CLIC5: variants seen among roughly 807,000 people sequenced by gnomAD.
CLIC5 encodes CLIC family member 5, also known as chloride intracellular channel protein 5.
A neutral mutation model predicts 24.7 loss-of-function variants in CLIC5; 20 were observed. The ratio of observed to expected loss-of-function variants is 0.81; its 90% CI spans 0.57 to 1.18. The LOEUF (loss-of-function observed/expected upper bound fraction) is 1.18, where lower values mean the gene tolerates loss of function less well. Ranked by LOEUF, CLIC5 falls within the 50% of genes most tolerant of loss-of-function variation. CLIC5 has a pLI of 0.00. For missense variants in CLIC5, 341 were observed against 326.1 expected, an observed-to-expected ratio of 1.05 and a Z score of -0.35; for synonymous variants, 159 against 135.6, an observed-to-expected ratio of 1.17 and a Z score of -1.20.
chr6:46,024,420 A>G (rs9472666), intron 1 of CLIC5, among the ~76,000 whole-genome samples: 20,756 of 152,170 alleles, frequency 0.14, 1,527 homozygotes, highest in African/African-American at 0.18. Flanking sequence ...TCAGAAATTT[A>G]GAAGACCATT....
intron 1 of CLIC5, among the ~76,000 whole-genome samples, chr6:46,020,935 G>T (rs1006567142): frequency 2.0e-5 from 3 of 151,632 alleles, no homozygotes; most frequent in Non-Finnish European, 4.4e-5. Flanking sequence ...AGCCCTCCAA[G>T]AAAAGAAAAC....
Position 45,981,162 on chromosome 6 carries a change from G to T in CLIC5, c.64-25918C>A, listed in dbSNP as rs1004448753. ...TTTTTGTATTTCTTGTAGAGATGTGGTTTTTCCATGTTTCCCAGGCTGGTC... is the reference window on the plus strand; with the variant it reads ...TTTTTGTATTTCTTGTAGAGATGTGTTTTTTCCATGTTTCCCAGGCTGGTC... On this transcript the variant is annotated intron_variant, in intron 1 of 5. Coordinates refer to ENST00000339561, the MANE Select transcript of CLIC5 (RefSeq NM_016929.5). 4.6e-5 allele frequency among the ~76,000 whole-genome samples: 7 copies of T among 152,140 alleles called. No homozygotes were observed. The East Asian group carries it at 1.2e-3, about 25-fold the overall frequency.
chr6:45,954,143 A>G (rs763449729), intron 2 of CLIC5, among the ~76,000 whole-genome samples: 3 of 151,834 alleles, frequency 2.0e-5, no homozygotes, highest in Non-Finnish European at 2.9e-5. Context: ...TCATGGTGGC[A>G]TGTTTCTGTA....
chr6:46,116,480 C>T, the CLIC5 span, among the ~76,000 whole-genome samples: 10 of 152,204 alleles, frequency 6.6e-5, no homozygotes, highest in Admixed American at 6.5e-4. Context: ...TCCTCATCTG[C>T]AAAAAGGGCC....
In CLIC5 at chr6:45,888,795, A is replaced by G. The variant is rs116679565; in HGVS notation, c.624-7607T>C. Among the ~76,000 whole-genome samples the G allele has an allele frequency of 5.9e-3, 899 of 152,286 alleles. 6 individuals carry two copies. The highest frequency in any genetic ancestry group is 0.02 in the African/African-American group (828 of 41,552). ...ATGTTATTATTAGGTCTTTGTTTTTACTTCTGATGAATTATTATATATTTG... is the reference window on the plus strand; with the variant it reads ...ATGTTATTATTAGGTCTTTGTTTTTGCTTCTGATGAATTATTATATATTTG... On this transcript the variant is annotated intron_variant, in intron 6 of 6. Coordinates refer to the CLIC5 transcript ENST00000644324.
rs3798266 is a variant in CLIC5, at chr6:45,948,741, G to A, written c.299+515C>T. Among the ~76,000 whole-genome samples, 4,360 of 152,224 alleles carry A rather than the reference G, an allele frequency of 0.029. 396 individuals are homozygous for A. The East Asian group carries it at 0.36, about 13-fold the overall frequency. The stretch of plus-strand genomic sequence containing the variant: ...TATACTCTCCCTGAACCTGTTTGCA[G>A]AAGAGGAGCTGCTGCTTTTAGTTGA... On this transcript the variant is annotated intron_variant, in intron 3 of 5. Transcript: ENST00000339561.
At chr6:45,995,208 G>A (rs1309601877) in intron 1 of CLIC5, among the ~76,000 whole-genome samples, 1 of 152,154 alleles carries the variant, frequency 6.6e-6, no homozygotes, top group Non-Finnish European at 1.5e-5. Context: ...TAGTGCCTCA[G>A]TTTCCTCATC....
the CLIC5 span, among the ~76,000 whole-genome samples, chr6:46,125,825 T>G: frequency 6.6e-6 from 1 of 152,110 alleles, no homozygotes; most frequent in Non-Finnish European, 1.5e-5. Flanking sequence ...TTATCAACAA[T>G]TGCCAAATAG....
chr6:45,958,447 T>TACACACACACACACACACAC lies in CLIC5; in HGVS notation c.64-3204_64-3203insGTGTGTGTGTGTGTGTGTGT, dbSNP rs1446493409. Reference sequence around the variant, plus strand: ...TTATATATATATATATATATATATATATATATATATATATATATATATATA... The same window carrying TACACACACACACACACACAC: ...TTATATATATATATATATATATATATACACACACACACACACACACATATATATATATATATATATATATA... On this transcript the variant is annotated intron_variant, in intron 1 of 5. Coordinates refer to ENST00000339561, the MANE Select transcript of CLIC5 (RefSeq NM_016929.5). Among the ~76,000 whole-genome samples, 44 of 72,224 alleles carry TACACACACACACACACACAC rather than the reference T, an allele frequency of 6.1e-4. 1 individual carries two copies. Among genetic ancestry groups the TACACACACACACACACACAC allele is most frequent in the South Asian group, 1.3e-3 (2 of 1,588 alleles). 47.4% of individuals were successfully genotyped at this position (72,224 alleles called of 152,430 possible).
intron 4 of CLIC5, among the ~76,000 whole-genome samples, chr6:45,921,176 ATT>A (rs1763245627): frequency 6.6e-6 from 1 of 152,062 alleles, no homozygotes. Context: ...GGGGGGGCTG[ATT>A]TTCAGGTCCC....
chr6:46,100,077 C>A, the CLIC5 span, among the ~76,000 whole-genome samples: 23 of 151,968 alleles, frequency 1.5e-4, no homozygotes, highest in African/African-American at 5.3e-4. Flanking sequence ...CTATTTAGGT[C>A]CCAGTTTTAG....
chr6:45,920,554 C>A (rs996915977), intron 4 of CLIC5: 1 of 431,876 alleles, frequency 2.3e-6, no homozygotes, highest in Non-Finnish European at 3.1e-6. Context: ...AGAGAAAATA[C>A]AAAGATGGCC....
chr6:45,961,767 T>C (rs993575240), intron 1 of CLIC5, among the ~76,000 whole-genome samples: 1 of 152,122 alleles, frequency 6.6e-6, no homozygotes, highest in Non-Finnish European at 1.5e-5. Context: ...AGGTCTACCC[T>C]TGAAGAAATC....
intron 1 of CLIC5, among the ~76,000 whole-genome samples, chr6:46,064,164 A>G (rs1762374337): frequency 6.6e-6 from 1 of 152,200 alleles, no homozygotes; most frequent in Admixed American, 6.5e-5. Context: ...ATATGAAGAG[A>G]GAATTGACAA....
intron 1 of CLIC5, among the ~76,000 whole-genome samples, chr6:45,994,224 T>C (rs1375876675): frequency 6.6e-6 from 1 of 152,024 alleles, no homozygotes; most frequent in Non-Finnish European, 1.5e-5. Flanking sequence ...ATGACATGAG[T>C]ATTAAATTGG....
downstream of CLIC5, among the ~76,000 whole-genome samples, chr6:45,897,673 C>CGTCA (rs1561913780): frequency 6.6e-6 from 1 of 152,104 alleles, no homozygotes; most frequent in African/African-American, 2.4e-5. Context: ...CTTCATCAGA[C>CGTCA]GTCACATTGG....
chr6:46,039,537 A>C (rs1210643930), intron 1 of CLIC5, among the ~76,000 whole-genome samples: 3 of 152,248 alleles, frequency 2.0e-5, no homozygotes, highest in African/African-American at 7.2e-5. Flanking sequence ...ATAAGCATAA[A>C]ATAAACATAA....
intron 1 of CLIC5, among the ~76,000 whole-genome samples, chr6:45,963,102 C>T (rs1295467047): frequency 5.3e-5 from 8 of 152,196 alleles, no homozygotes; most frequent in Non-Finnish European, 7.3e-5. Context: ...TTCTTTTAAA[C>T]CTCTTGCCAG....
intron 1 of CLIC5, among the ~76,000 whole-genome samples, chr6:46,000,575 T>C (rs1278344007): frequency 1.3e-5 from 2 of 152,160 alleles, no homozygotes; most frequent in Non-Finnish European, 2.9e-5. Context: ...GGGTAATTTA[T>C]AAAGAAAAGA....
Sources: gnomAD v4.1 joint callset for allele counts (sites outside exome capture counted in the v4.1 genomes callset) on GRCh38, gnomAD v4.1.1 for gene constraint, MANE v1.5 for transcripts, NCBI Gene and HGNC (gene_info 2026-07-23, HGNC 2026-07-21) for gene names.